The following NELL2 variants were observed in gnomAD, a reference collection of about 807,000 sequenced individuals.
NELL2 encodes neural EGFL like 2.
NELL2 carries 41 observed loss-of-function variants against 109.6 expected under a neutral mutation model. The observed-to-expected ratio is 0.37, with a 90% CI of 0.29 to 0.49. The LOEUF is 0.49. Among genes scored for constraint, NELL2 ranks in the 20% least tolerant of loss-of-function variants. The pLI, the probability that NELL2 is intolerant of heterozygous loss-of-function variation, is 0.98. For missense variants in NELL2, 900 were observed against 1,008.3 expected, an observed-to-expected ratio of 0.89 and a Z score of 1.45; for synonymous variants, 355 against 344.7, an observed-to-expected ratio of 1.03 and a Z score of -0.33.
intron 3 of NELL2, among the ~76,000 whole-genome samples, chr12:44,807,359 A>G (rs1479802583): frequency 6.7e-6 from 1 of 149,422 alleles, no homozygotes; most frequent in Non-Finnish European, 1.5e-5. Flanking sequence ...ACACACACGC[A>G]TGCATGCAGA....
chr12:44,515,121 G>C (rs576085216), intron 19 of NELL2, among the ~76,000 whole-genome samples: 1 of 151,638 alleles, frequency 6.6e-6, no homozygotes, highest in Admixed American at 6.6e-5. Flanking sequence ...ATGACAAAAT[G>C]GTAGTCCTAA....
intron 12 of NELL2, among the ~76,000 whole-genome samples, chr12:44,670,282 T>C (rs944937840): frequency 5.9e-5 from 9 of 152,006 alleles, no homozygotes; most frequent in South Asian, 2.1e-4. Context: ...ATATCTACCA[T>C]CATGAAAACA....
chr12:44,753,827 G>A (rs1383071816), intron 9 of NELL2, among the ~76,000 whole-genome samples: 1 of 151,072 alleles, frequency 6.6e-6, no homozygotes, highest in East Asian at 1.9e-4. Context: ...ATCATGGTGA[G>A]GAATTTTCAC....
intron 11 of NELL2, among the ~76,000 whole-genome samples, chr12:44,710,997 G>A (rs1938167801): frequency 6.6e-6 from 1 of 152,098 alleles, no homozygotes; most frequent in African/African-American, 2.4e-5. Flanking sequence ...ACTTTCTTTA[G>A]CAAAGCTGTA....
At chr12:44,917,427 T>G (rs926986434), upstream of NELL2, among the ~76,000 whole-genome samples, 3 of 152,150 alleles carry the variant, frequency 2.0e-5, no homozygotes, top group African/African-American at 7.2e-5. Flanking sequence ...TAGTAACTAA[T>G]GGAGAGTTGA....
intron 9 of NELL2, among the ~76,000 whole-genome samples, chr12:44,742,894 AG>A (rs1186390135): frequency 6.6e-6 from 1 of 152,244 alleles, no homozygotes; most frequent in African/African-American, 2.4e-5. Flanking sequence ...ATTATCCAGG[AG>A]AACTTCCCCA....
At chr12:44,593,961 G>A (rs575113677) in intron 15 of NELL2, among the ~76,000 whole-genome samples, 76 of 152,258 alleles carry the variant, frequency 5.0e-4, no homozygotes, top group African/African-American at 1.7e-3. Context: ...CATTAAAAAG[G>A]ATGAGTTCAT....
intron 2 of NELL2, among the ~76,000 whole-genome samples, chr12:44,857,621 C>T (rs141952133): frequency 8.1e-4 from 124 of 152,258 alleles, no homozygotes; most frequent in African/African-American, 2.9e-3. Context: ...TTTTTCAGAA[C>T]TTCTAAAACT....
At chr12:44,848,054 A>C (rs150835712) in intron 2 of NELL2, among the ~76,000 whole-genome samples, 3 of 150,820 alleles carry the variant, frequency 2.0e-5, no homozygotes, top group South Asian at 4.2e-4. Context: ...AAAAAGGCAG[A>C]AAAAGACTCT....
At chr12:44,909,330 A>G (rs1204310338) in intron 1 of NELL2, among the ~76,000 whole-genome samples, 2 of 151,898 alleles carry the variant, frequency 1.3e-5, no homozygotes, top group Non-Finnish European at 2.9e-5. Flanking sequence ...CCCATTTACA[A>G]TAGCCACACA....
At chr12:44,880,086 A>C (rs1945393379), upstream of NELL2, among the ~76,000 whole-genome samples, 1 of 150,820 alleles carries the variant, frequency 6.6e-6, no homozygotes. Flanking sequence ...CACTGAGATA[A>C]AAGACTATGA....
At chr12:44,676,722 A>T (rs1276639431) in intron 12 of NELL2, among the ~76,000 whole-genome samples, 1 of 151,826 alleles carries the variant, frequency 6.6e-6, no homozygotes, top group Non-Finnish European at 1.5e-5. Context: ...TTCCTGAATT[A>T]AAAAAAATAG....
intron 9 of NELL2, among the ~76,000 whole-genome samples, chr12:44,756,258 G>T (rs1356777974): frequency 6.6e-6 from 1 of 151,836 alleles, no homozygotes; most frequent in Non-Finnish European, 1.5e-5. Flanking sequence ...TGCCCTATTT[G>T]CACCATCAGT....
chr12:44,875,166 A>G (rs1945276513), intron 2 of NELL2, 59 bp downstream of exon 2: 1 of 1,567,840 alleles, frequency 6.4e-7, no homozygotes, highest in South Asian at 1.2e-5. Flanking sequence ...GGCAAGAGCA[A>G]CTCCTGCCGG....
At chr12:44,822,509 T>G (rs1465170389) in intron 2 of NELL2, among the ~76,000 whole-genome samples, 1 of 152,180 alleles carries the variant, frequency 6.6e-6, no homozygotes, top group African/African-American at 2.4e-5. Flanking sequence ...AAAATCAATG[T>G]AAAGTGAGAT....
intron 3 of NELL2, among the ~76,000 whole-genome samples, chr12:44,792,677 G>A (rs146131924): frequency 1.3e-5 from 2 of 152,130 alleles, no homozygotes; most frequent in East Asian, 1.9e-4. Flanking sequence ...TCTTATTGAC[G>A]TATAGATCTG....
intron 3 of NELL2, among the ~76,000 whole-genome samples, chr12:44,809,681 TGGAGTTCCCG>T (rs1398696019): frequency 2.6e-5 from 4 of 152,090 alleles, no homozygotes; most frequent in Non-Finnish European, 4.4e-5. Context: ...GCACTGCTGA[TGGAGTTCCCG>T]GGAGTTTCAT....
chr12:44,830,840 C>T (rs1288065729), intron 2 of NELL2, among the ~76,000 whole-genome samples: 1 of 152,030 alleles, frequency 6.6e-6, no homozygotes, highest in Non-Finnish European at 1.5e-5. Context: ...CACCCATCTG[C>T]TTGGTTGAGG....
intron 1 of NELL2, among the ~76,000 whole-genome samples, chr12:44,891,334 C>A (rs139241009): frequency 3.3e-5 from 5 of 152,184 alleles, no homozygotes; most frequent in Non-Finnish European, 7.3e-5. Context: ...GGGAGCAGAT[C>A]TTGCTAAAAT....
Sources: gnomAD v4.1 joint callset for allele counts (sites outside exome capture counted in the v4.1 genomes callset) on GRCh38, gnomAD v4.1.1 for gene constraint, MANE v1.5 for transcripts, NCBI Gene and HGNC (gene_info 2026-07-23, HGNC 2026-07-21) for gene names.